The following NOSIP variants were observed in gnomAD, a reference collection of about 807,000 sequenced individuals.
The protein encoded by NOSIP is nitric oxide synthase-interacting protein.
Under a neutral mutation model 36.4 loss-of-function variants are expected in NOSIP, and 25 were observed. The observed-to-expected ratio is 0.69, with a 90% CI of 0.50 to 0.96. The LOEUF is 0.96. Ranked by LOEUF, NOSIP falls within the 40% of genes least tolerant of loss-of-function variation. The pLI, the probability that NOSIP is intolerant of heterozygous loss-of-function variation, is 0.00. For synonymous variants in NOSIP, 187 were observed against 179.2 expected (o/e 1.04, Z -0.35); for missense variants, 370 against 429.0 (o/e 0.86, Z 1.21).
chr19:49,557,305 C>T, intron 4 of NOSIP, 56 bp from the exon 5 acceptor site: 1 of 1,511,444 alleles, frequency 6.6e-7, no homozygotes, highest in Non-Finnish European at 8.9e-7. Context: ...GTATCTTCCT[C>T]CCATTTCACA....
At position 49,560,020 on chromosome 19, in the gene NOSIP, G is replaced by C; in HGVS notation, c.90C>G (p.Thr30=). ...KKDTAASGYG[T]QNIRLSRDAV... is the part of the protein sequence containing the mutation. The stretch of plus-strand genomic sequence containing the variant: ...CATCCCGGCTCAGTCGAATGTTCTG[G>C]GTCCCATAGCCCGAGGCCGCTGGGG... Residue 30 remains threonine, a synonymous_variant, in exon 3 of 9, where the codon ACC becomes ACG. Coordinates refer to ENST00000596358, the MANE Select transcript of NOSIP (RefSeq NM_001270960.2). This position sits in a 1 kb window ranked among gnomAD's most constrained non-coding sequence, Gnocchi z 4.6. 1.2e-6 allele frequency: 2 copies of C among 1,613,706 alleles called. No individual in the cohort carries two copies. Among genetic ancestry groups the C allele is most frequent in the South Asian group, 2.2e-5 (2 of 91,030 alleles).
intron 1 of NOSIP, among the ~76,000 whole-genome samples, chr19:49,578,795 T>A (rs372658148): frequency 6.6e-6 from 1 of 151,922 alleles, no homozygotes; most frequent in Admixed American, 6.6e-5. Flanking sequence ...TACAGGTGCC[T>A]GCCATCATGC....
chr19:49,568,815 T>TG (rs1422925121), intron 1 of NOSIP, among the ~76,000 whole-genome samples: 7 of 146,542 alleles, frequency 4.8e-5, no homozygotes, highest in Non-Finnish European at 9.0e-5. Context: ...TGTTTGTTTT[T>TG]TTTTTTGAGA....
chr19:49,571,620 C>T (rs1237815490), intron 1 of NOSIP, among the ~76,000 whole-genome samples: 1 of 152,124 alleles, frequency 6.6e-6, no homozygotes, highest in Admixed American at 6.6e-5. Context: ...ACCCAGGCAG[C>T]CAGGCTCTGG....
chr19:49,560,032 C>T lies in NOSIP; in HGVS notation c.78G>A (p.Ser26=), dbSNP rs534415595. 59 of 1,612,436 alleles carry T rather than the reference C, an allele frequency of 3.7e-5. No homozygotes were observed. In the Middle Eastern group the frequency reaches 6.6e-4, roughly 18 times the overall value. The change falls in exon 3 of 9, where the codon TCG becomes TCA. Residue 26 remains serine (S), a synonymous_variant. Coordinates refer to ENST00000596358, the MANE Select transcript of NOSIP (RefSeq NM_001270960.2). This position sits in a 1 kb window ranked among gnomAD's most constrained non-coding sequence, Gnocchi z 4.6. The part of the protein sequence containing the change: ...YHEKKKDTAA[S]GYGTQNIRLS... ...GTCGAATGTTCTGGGTCCCATAGCCCGAGGCCGCTGGGGACAGAGATGGGC... is the reference window on the plus strand; with the variant it reads ...GTCGAATGTTCTGGGTCCCATAGCCTGAGGCCGCTGGGGACAGAGATGGGC...
chr19:49,560,528 G>T lies in NOSIP; in HGVS notation c.70+94C>A. The T allele has an allele frequency of 1.1e-6, 1 of 926,912 alleles. No homozygotes were observed. The highest frequency in any genetic ancestry group is 1.7e-6 in the Non-Finnish European group (1 of 582,468). 57.4% of individuals were successfully genotyped at this position (926,912 alleles called of 1,614,324 possible). ...CAGTGTATATCGGGGGCGGGAGAGA[G>T]ACAGGGACAGAGGAAGCAAAACCTG... On this transcript the variant is annotated intron_variant, in intron 2 of 8. Coordinates refer to ENST00000596358, the MANE Select transcript of NOSIP (RefSeq NM_001270960.2). The surrounding 1 kb of genome is among the most constrained non-coding windows in gnomAD (Gnocchi z 4.6).
In NOSIP at chr19:49,556,404, T is replaced by A. The variant is rs756824747; in HGVS notation, c.747A>T (p.Glu249Asp). 1 of 1,613,708 alleles carries A rather than the reference T, an allele frequency of 6.2e-7. No individual in the cohort carries two copies. Among genetic ancestry groups the A allele is most frequent in the South Asian group, 1.1e-5 (1 of 91,068 alleles). The change falls in exon 8 of 9, where the codon GAA becomes GAT. Residue 249 changes from glutamate to aspartate, a missense_variant. Physicochemically the swap from Glu to Asp is conservative, Grantham distance 45 (BLOSUM62 2). Around this residue, in one of 3 missense-constraint regions of NOSIP, gnomAD observed 315 missense variants for 331.9 expected, o/e 0.95. Coordinates refer to ENST00000596358, the MANE Select transcript of NOSIP (RefSeq NM_001270960.2). ...CCTTCCGAATCAGCTTCTCCACGCATTCGAGGGTGACCACAGCCCCACTAC... is the reference window on the plus strand; with the variant it reads ...CCTTCCGAATCAGCTTCTCCACGCAATCGAGGGTGACCACAGCCCCACTAC... ...LRPSGAVVTL[E>D]CVEKLIRKDM...
intron 4 of NOSIP, chr19:49,557,498 G>C: frequency 7.6e-7 from 1 of 1,312,556 alleles, no homozygotes; most frequent in South Asian, 2.0e-5. Context: ...CCTGGCCTCA[G>C]TTTCTTCATC....
At position 49,558,919 on chromosome 19, in the gene NOSIP, T is replaced by C. The variant is rs1253729061; in HGVS notation, c.236A>G (p.Lys79Arg). 2 of 1,614,100 alleles carry C rather than the reference T, an allele frequency of 1.2e-6. No individual in the cohort carries two copies. Among genetic ancestry groups the C allele is most frequent in the East Asian group, 4.5e-5 (2 of 44,878 alleles). The change falls in exon 4 of 9, where the codon AAG becomes AGG. Residue 79 changes from lysine to arginine, a missense_variant. By Grantham distance (26) the Lys-to-Arg change is conservative (BLOSUM62 2). Around this residue, in one of 3 missense-constraint regions of NOSIP, gnomAD observed 315 missense variants for 331.9 expected, o/e 0.95. Transcript: ENST00000596358. The part of the protein sequence containing the change: ...AILEYILHQK[K>R]EIARQMKAYE... ...CACCTTCATCTGCCGGGCAATCTCC[T>C]TCTTCTGGTGCAGAATGTACTCCAG... is the stretch of plus-strand genomic sequence containing the variant.
chr19:49,559,723 T>G (rs2080305667), intron 3 of NOSIP: 2 of 578,212 alleles, frequency 3.5e-6, no homozygotes. Context: ...TACACCCCAT[T>G]AGAAGTATGT....
chr19:49,575,150 A>G (rs978340817), intron 1 of NOSIP, among the ~76,000 whole-genome samples: 2 of 152,130 alleles, frequency 1.3e-5, no homozygotes, highest in South Asian at 4.1e-4. Flanking sequence ...GGCGTGAGCC[A>G]CTGCGCCCGG....
At chr19:49,555,949 G>A in intron 8 of NOSIP, 127 bp from the exon 9 acceptor site, 1 of 682,022 alleles carries the variant, frequency 1.5e-6, no homozygotes, top group Admixed American at 2.4e-5. Context: ...AGTAGGAGTT[G>A]GGGAGGGGGC....
chr19:49,561,052 ATTG>A (rs1568726026), intron 1 of NOSIP, among the ~76,000 whole-genome samples: 1 of 152,030 alleles, frequency 6.6e-6, no homozygotes, highest in Non-Finnish European at 1.5e-5. Context: ...GGGGGCCACT[ATTG>A]TTGATGAATC....
chr19:49,565,575 C>T (rs2080395137), intron 1 of NOSIP, among the ~76,000 whole-genome samples: 1 of 151,644 alleles, frequency 6.6e-6, no homozygotes, highest in Non-Finnish European at 1.5e-5. Context: ...ATATTGAGAC[C>T]CCATCTCTAC....
At chr19:49,558,808 G>A in intron 4 of NOSIP, 89 bp downstream of exon 4, 2 of 1,043,338 alleles carry the variant, frequency 1.9e-6, no homozygotes, top group Non-Finnish European at 3.0e-6. Context: ...AGAGGGAACT[G>A]AGATCAGAGG....
intron 1 of NOSIP, among the ~76,000 whole-genome samples, chr19:49,561,094 C>T (rs182230145): frequency 3.3e-4 from 50 of 152,310 alleles, no homozygotes; most frequent in Non-Finnish European, 6.5e-4. Flanking sequence ...CCTCTCATAT[C>T]TGTAAGCTCT....
chr19:49,557,050 G>T, intron 5 of NOSIP, 40 bp downstream of exon 5: 2 of 1,589,772 alleles, frequency 1.3e-6, no homozygotes, highest in Non-Finnish European at 1.7e-6. Flanking sequence ...AGCCCGCGGC[G>T]CCCCGCCCCC....
chr19:49,558,894 C>T lies in NOSIP; in HGVS notation c.258+3G>A. ...TGTGCCGCCTCCTCCCCATCCCCAT[C>T]ACCTTCATCTGCCGGGCAATCTCCT... On this transcript the variant is annotated splice_donor_region_variant and intron_variant, in intron 4 of 8. Coordinates refer to ENST00000596358, the MANE Select transcript of NOSIP (RefSeq NM_001270960.2). 6.2e-7 allele frequency: 1 copy of T among 1,613,540 alleles called. No homozygotes were observed. Among genetic ancestry groups the T allele is most frequent in the Non-Finnish European group, 8.5e-7 (1 of 1,179,472 alleles).
intron 1 of NOSIP, among the ~76,000 whole-genome samples, chr19:49,577,764 C>T (rs1316816678): frequency 5.3e-5 from 1 of 18,904 alleles, no homozygotes; most frequent in Non-Finnish European, 1.1e-4. Flanking sequence ...GGCCGTGTCT[C>T]GGGAAAAAAA....
Sources: gnomAD v4.1 joint callset for allele counts (sites outside exome capture counted in the v4.1 genomes callset) on GRCh38, gnomAD v4.1.1 for gene constraint, gnomAD v4.1.1 regional missense constraint, Gnocchi (gnomAD v3.1) non-coding constraint, MANE v1.5 for transcripts, NCBI Gene and HGNC (gene_info 2026-07-23, HGNC 2026-07-21) for gene names.